Variants in ASH1L observed in about 807,000 individuals in gnomAD.
ASH1L encodes the protein ASH1 like histone lysine methyltransferase.
ASH1L carries 23 observed loss-of-function variants against 269.0 expected under a neutral mutation model. The ratio of observed to expected loss-of-function variants is 0.09; its 90% CI spans 0.06 to 0.12. The LOEUF (loss-of-function observed/expected upper bound fraction) is 0.12. Ranked by LOEUF, ASH1L falls within the 10% of genes least tolerant of loss-of-function variation. The pLI is 1.00. For synonymous variants in ASH1L, 1,187 were observed against 1,253.5 expected (o/e 0.95, Z 1.12); for missense variants, 2,912 against 3,567.8 (o/e 0.82, Z 4.68).
chr1:155,550,432 C>G (rs1671117439), intron 1 of ASH1L, among the ~76,000 whole-genome samples: 1 of 152,132 alleles, frequency 6.6e-6, no homozygotes, highest in African/African-American at 2.4e-5. Flanking sequence ...AACTAGATAC[C>G]TATCAAGTCT....
chr1:155,383,527 T>C (rs1657159553), intron 7 of ASH1L, among the ~76,000 whole-genome samples: 1 of 151,660 alleles, frequency 6.6e-6, no homozygotes, highest in South Asian at 2.1e-4. Flanking sequence ...TACAGGTTTG[T>C]AGCTTAGGAG....
At chr1:155,464,278 T>C (rs1046780415) in intron 3 of ASH1L, among the ~76,000 whole-genome samples, 1 of 152,168 alleles carries the variant, frequency 6.6e-6, no homozygotes, top group Non-Finnish European at 1.5e-5. Flanking sequence ...CCTCAAAGCA[T>C]ACACACAAAG....
chr1:155,398,431 G>T (rs1658545043), intron 6 of ASH1L, among the ~76,000 whole-genome samples: 1 of 152,182 alleles, frequency 6.6e-6, no homozygotes, highest in Non-Finnish European at 1.5e-5. Context: ...GCAGGCAGTT[G>T]TAACACAATG....
At chr1:155,426,528 T>G (rs908697130) in intron 5 of ASH1L, among the ~76,000 whole-genome samples, 16 of 152,104 alleles carry the variant, frequency 1.1e-4, no homozygotes, top group Admixed American at 2.6e-4. Context: ...TTAATAGAGA[T>G]AGGGTTTCAC....
At chr1:155,353,598 A>G (rs1490427199) in intron 16 of ASH1L, among the ~76,000 whole-genome samples, 3 of 152,206 alleles carry the variant, frequency 2.0e-5, no homozygotes, top group South Asian at 2.1e-4. Flanking sequence ...TCTCTTCTGG[A>G]TAATATCTGA....
Position 155,521,428 on chromosome 1 carries a change from A to C in ASH1L, c.92T>G (p.Leu31Trp). ...KSPSAISTGT[L>W]VSKREVELEK... ...TAGCTCTACTTCTCTCTTACTGACC[A>C]ATGTGCCAGTACTGATGGCAGAAGG... Residue 31 changes from leucine (L) to tryptophan (W), a missense_variant, in exon 2 of 28, where the codon TTG (leucine) becomes TGG (tryptophan). Physicochemically the swap from Leu to Trp is moderately conservative, Grantham distance 61. Around this residue, in one of 13 missense-constraint regions of ASH1L, gnomAD observed 115 missense variants for 101.5 expected, o/e 1.13. Coordinates refer to ENST00000392403, the MANE Select transcript of ASH1L (RefSeq NM_018489.3). 6.2e-7 allele frequency: 1 copy of C among 1,613,902 alleles called. No homozygotes were observed. The highest frequency in any genetic ancestry group is 8.5e-7 in the Non-Finnish European group (1 of 1,179,916).
At chr1:155,486,715 T>C (rs1161743386) in intron 2 of ASH1L, among the ~76,000 whole-genome samples, 1 of 152,182 alleles carries the variant, frequency 6.6e-6, no homozygotes, top group African/African-American at 2.4e-5. Flanking sequence ...TCATTACTTT[T>C]ATACTTTTAA....
chr1:155,518,619 T>G (rs1246525865), intron 2 of ASH1L, among the ~76,000 whole-genome samples: 3 of 135,450 alleles, frequency 2.2e-5, no homozygotes, highest in East Asian at 2.1e-4. Context: ...GAAAAATTGT[T>G]CAACATCATT....
chr1:155,551,638 C>G (rs1485987451), intron 1 of ASH1L, among the ~76,000 whole-genome samples: 2 of 131,796 alleles, frequency 1.5e-5, no homozygotes, highest in Admixed American at 8.3e-5. Flanking sequence ...CCAGCCTGGG[C>G]GACAGAGCGA....
Position 155,481,243 on chromosome 1 carries a change from C to G in ASH1L, c.1627G>C (p.Ala543Pro). ...CCTACTGCACTGAATGGGGATTTAG[C>G]GGTAGATACATCAGAAGCACCTCCC... The part of the protein sequence containing the change: ...KMGGASDVST[A>P]KSPFSAVGES... The change falls in exon 3 of 28, where the codon GCT becomes CCT. Residue 543 changes from alanine (A) to proline (P), a missense_variant. Ala to Pro is a conservative substitution (Grantham distance 27, BLOSUM62 -1). This residue lies in a region of ASH1L where 715 missense variants were observed against 721.0 expected (regional missense o/e 0.99). Transcript: ENST00000392403. 1 of 1,613,992 alleles carries G rather than the reference C, an allele frequency of 6.2e-7. No homozygotes were observed. Among genetic ancestry groups the G allele is most frequent in the Non-Finnish European group, 8.5e-7 (1 of 1,179,962 alleles).
intron 12 of ASH1L, among the ~76,000 whole-genome samples, chr1:155,365,544 G>C (rs888828855): frequency 1.3e-5 from 2 of 151,898 alleles, no homozygotes; most frequent in African/African-American, 4.8e-5. Flanking sequence ...CTTAACAATT[G>C]AGTAAAACTC....
chr1:155,464,451 A>G (rs1468569451), intron 3 of ASH1L, among the ~76,000 whole-genome samples: 6 of 152,230 alleles, frequency 3.9e-5, no homozygotes, highest in African/African-American at 1.4e-4. Flanking sequence ...AGATGATGAC[A>G]ACTTCAGAAT....
intron 1 of ASH1L, among the ~76,000 whole-genome samples, chr1:155,547,552 TATCTC>T (rs1317605471): frequency 2.0e-5 from 3 of 151,722 alleles, no homozygotes; most frequent in African/African-American, 7.3e-5. Context: ...GTAGAAACCT[TATCTC>T]TACTAAAAAT....
At chr1:155,552,528 C>T (rs1041647463) in intron 1 of ASH1L, among the ~76,000 whole-genome samples, 1 of 151,482 alleles carries the variant, frequency 6.6e-6, no homozygotes, top group Admixed American at 6.6e-5. Context: ...CACTGGTAGT[C>T]CCAGCTACTC....
rs1664136863 is a variant in ASH1L at position 155,459,560 on chromosome 1, C to T, written c.5086+237G>A. On this transcript the variant is annotated intron_variant, in intron 4 of 27. Coordinates refer to ENST00000392403, the MANE Select transcript of ASH1L (RefSeq NM_018489.3). ...CTACAATCCACATTCCCCTATTATTCCCAACACACACTTTTACTTTAATTC... is the reference window on the plus strand; with the variant it reads ...CTACAATCCACATTCCCCTATTATTTCCAACACACACTTTTACTTTAATTC... Among the ~76,000 whole-genome samples, 3 of 152,266 alleles carry T rather than the reference C, an allele frequency of 2.0e-5. No individual in the cohort carries two copies. In the South Asian group the frequency reaches 6.2e-4, roughly 32 times the overall value.
At chr1:155,536,839 G>A (rs559641919) in intron 1 of ASH1L, among the ~76,000 whole-genome samples, 3 of 152,098 alleles carry the variant, frequency 2.0e-5, no homozygotes, top group Admixed American at 6.5e-5. Context: ...TCAGGAGATC[G>A]AGACCATCCT....
intron 2 of ASH1L, among the ~76,000 whole-genome samples, chr1:155,487,732 T>G (rs1337401532): frequency 6.6e-6 from 1 of 152,074 alleles, no homozygotes; most frequent in Admixed American, 6.6e-5. Flanking sequence ...GCTGAGTTCA[T>G]GAAAATTCGC....
intron 5 of ASH1L, among the ~76,000 whole-genome samples, chr1:155,423,547 G>A (rs918152784): frequency 1.3e-5 from 2 of 151,896 alleles, no homozygotes; most frequent in East Asian, 2.0e-4. Context: ...CCAGCCTGGC[G>A]ACAGAGCAAG....
chr1:155,411,608 T>TAC lies in ASH1L; in HGVS notation c.6008+4135_6008+4136insGT, dbSNP rs1164882457. On this transcript the variant is annotated intron_variant, in intron 6 of 27. Coordinates refer to ENST00000392403, the MANE Select transcript of ASH1L (RefSeq NM_018489.3). ...ATAAATATATATATATATATATATA[T>TAC]ATATATATATGTTTTCATCCATGGT... Among the ~76,000 whole-genome samples the TAC allele has an allele frequency of 2.2e-3, 267 of 122,488 alleles. 10 individuals carry two copies. Among genetic ancestry groups the TAC allele is most frequent in the African/African-American group, 7.8e-3 (261 of 33,258 alleles). 80.4% of individuals were successfully genotyped at this position (122,488 alleles called of 152,430 possible).
Sources: gnomAD v4.1 joint callset for allele counts (sites outside exome capture counted in the v4.1 genomes callset) on GRCh38, gnomAD v4.1.1 for gene constraint, gnomAD v4.1.1 regional missense constraint, MANE v1.5 for transcripts, NCBI Gene and HGNC (gene_info 2026-07-23, HGNC 2026-07-21) for gene names.